The following TRPC4 variants were observed in gnomAD, a reference collection of about 807,000 sequenced individuals.
The protein encoded by TRPC4 is short transient receptor potential channel 4.
A neutral mutation model predicts 99.4 loss-of-function variants in TRPC4; 49 were observed. The ratio of observed to expected loss-of-function variants is 0.49; its 90% CI spans 0.39 to 0.63. The LOEUF (loss-of-function observed/expected upper bound fraction) is 0.63. TRPC4 is among the 20% of genes least tolerant of loss of function. The pLI is 0.00. For synonymous variants in TRPC4, 454 were observed against 425.9 expected (o/e 1.07, Z -0.81); for missense variants, 898 against 1,152.9 (o/e 0.78, Z 3.20).
chr13:37,701,076 G>A (rs1273548423), intron 3 of TRPC4, among the ~76,000 whole-genome samples: 2 of 152,102 alleles, frequency 1.3e-5, no homozygotes, highest in Non-Finnish European at 2.9e-5. Flanking sequence ...CTCAGGTTGT[G>A]CTATTTGCTC....
chr13:37,756,872 C>T (rs1382781466), intron 2 of TRPC4, among the ~76,000 whole-genome samples: 4 of 151,806 alleles, frequency 2.6e-5, no homozygotes, highest in African/African-American at 9.7e-5. Context: ...TCTGATGAAA[C>T]ATTGATCCAG....
rs1448273002 is a variant in TRPC4 at position 37,636,692 on chromosome 13, A to G, written c.*211T>C. 14 of 496,342 alleles carry G rather than the reference A, an allele frequency of 2.8e-5. No individual in the cohort carries two copies. The highest frequency in any genetic ancestry group is 3.3e-5 in the Non-Finnish European group (10 of 300,330). 30.7% of individuals were successfully genotyped at this position (496,342 alleles called of 1,614,324 possible). A position where few individuals can be genotyped will look rare whatever the true frequency, so the allele number is the denominator to read the frequency against. ...TTTATTTATTAACAAAAACAATTGT[A>G]AGACAAATTGTGAAAGCAAAAGCAG... On this transcript the variant is annotated 3_prime_UTR_variant, in exon 11 of 11. Coordinates refer to ENST00000379705, the MANE Select transcript of TRPC4 (RefSeq NM_016179.4).
chr13:37,726,291 C>A (rs1010622119), intron 3 of TRPC4, among the ~76,000 whole-genome samples: 8 of 151,756 alleles, frequency 5.3e-5, no homozygotes, highest in Non-Finnish European at 1.2e-4. Context: ...TTTTAAAAAT[C>A]ATTAGATTAT....
intron 8 of TRPC4, among the ~76,000 whole-genome samples, chr13:37,642,431 A>G (rs1951743407): frequency 6.6e-6 from 1 of 152,122 alleles, no homozygotes; most frequent in African/African-American, 2.4e-5. Context: ...CTGATTTGGC[A>G]TCTCATTTGG....
At chr13:37,834,926 G>A (rs1306266152) in intron 1 of TRPC4, among the ~76,000 whole-genome samples, 1 of 152,020 alleles carries the variant, frequency 6.6e-6, no homozygotes, top group African/African-American at 2.4e-5. Context: ...GTAGAGATGG[G>A]TTTTCACCAA....
intron 1 of TRPC4, among the ~76,000 whole-genome samples, chr13:37,831,556 G>GT (rs1958422100): frequency 6.6e-6 from 1 of 152,120 alleles, no homozygotes; most frequent in South Asian, 2.1e-4. Flanking sequence ...ACTGAAATCA[G>GT]TATTTCAAGG....
At chr13:37,855,347 T>TAA (rs1326669722) in intron 1 of TRPC4, among the ~76,000 whole-genome samples, 1 of 148,494 alleles carries the variant, frequency 6.7e-6, no homozygotes, top group East Asian at 1.9e-4. Context: ...GATATATATA[T>TAA]ATATATATAT....
chr13:37,715,513 A>C (rs531173523), intron 3 of TRPC4, among the ~76,000 whole-genome samples: 3 of 152,332 alleles, frequency 2.0e-5, no homozygotes, highest in African/African-American at 7.2e-5. Context: ...TGAAGAGCTT[A>C]TTACAGTACC....
At position 37,674,395 on chromosome 13, in the gene TRPC4, G is replaced by A. The variant is rs369269806; in HGVS notation, c.1235-28C>T. On this transcript the variant is annotated intron_variant, in intron 4 of 10. Transcript: ENST00000379705. Reference sequence around the variant, plus strand: ...GCAATTATAGAAAGATTCATTGTAAGTATGATTTCAATAGAATCACTAAAA... The same window carrying A: ...GCAATTATAGAAAGATTCATTGTAAATATGATTTCAATAGAATCACTAAAA... 8.9e-5 allele frequency: 142 copies of A among 1,589,456 alleles called. 1 individual carries two copies. In the Middle Eastern group the frequency reaches 2.1e-3, roughly 23 times the overall value.
chr13:37,750,952 T>A (rs1252616172), intron 2 of TRPC4, among the ~76,000 whole-genome samples: 1 of 152,052 alleles, frequency 6.6e-6, no homozygotes, highest in East Asian at 1.9e-4. Context: ...CTTTATCAGA[T>A]TCTGGTATCA....
intron 2 of TRPC4, among the ~76,000 whole-genome samples, chr13:37,756,079 A>G (rs1258620844): frequency 6.6e-6 from 1 of 152,146 alleles, no homozygotes; most frequent in African/African-American, 2.4e-5. Context: ...AGTTATATTT[A>G]AAATTTTATA....
intron 2 of TRPC4, among the ~76,000 whole-genome samples, chr13:37,765,236 T>A (rs1956332840): frequency 6.6e-6 from 1 of 151,408 alleles, no homozygotes; most frequent in African/African-American, 2.4e-5. Context: ...TATTGTTCAG[T>A]GTAGACCAGG....
chr13:37,854,334 C>A (rs886318953), intron 1 of TRPC4, among the ~76,000 whole-genome samples: 43 of 151,996 alleles, frequency 2.8e-4, no homozygotes, highest in African/African-American at 9.2e-4. Flanking sequence ...GCAAAACTAT[C>A]CTTCAAACAT....
At chr13:37,644,762 A>G (rs1001455173) in intron 8 of TRPC4, among the ~76,000 whole-genome samples, 1 of 151,552 alleles carries the variant, frequency 6.6e-6, no homozygotes, top group Non-Finnish European at 1.5e-5. Context: ...AGTCCCAGCT[A>G]CTCAGGAGGC....
intron 4 of TRPC4, among the ~76,000 whole-genome samples, chr13:37,688,454 A>G (rs934871673): frequency 6.6e-6 from 1 of 152,210 alleles, no homozygotes; most frequent in Non-Finnish European, 1.5e-5. Context: ...CCCAAGCAAA[A>G]CCATAATTCT....
intron 3 of TRPC4, among the ~76,000 whole-genome samples, chr13:37,720,517 G>C (rs945891430): frequency 4.0e-5 from 6 of 151,872 alleles, no homozygotes; most frequent in Admixed American, 1.3e-4. Context: ...ACTTTTCTGT[G>C]TTTCTGGTGT....
At chr13:37,645,310 A>G (rs1951836334) in intron 8 of TRPC4, among the ~76,000 whole-genome samples, 1 of 152,078 alleles carries the variant, frequency 6.6e-6, no homozygotes. Context: ...ATTTCAATAG[A>G]AGTTTCAGGT....
chr13:37,674,516 T>A, intron 4 of TRPC4, 149 bp from the exon 5 acceptor site: 1 of 807,178 alleles, frequency 1.2e-6, no homozygotes, highest in Admixed American at 3.5e-5. Flanking sequence ...GTAATAACAC[T>A]GAGTCCCAGC....
At chr13:37,791,588 G>A (rs1004160976) in intron 1 of TRPC4, among the ~76,000 whole-genome samples, 28 of 152,042 alleles carry the variant, frequency 1.8e-4, no homozygotes, top group Non-Finnish European at 3.7e-4. Flanking sequence ...CATGGTGAAT[G>A]AGTACCAATG....
Sources: allele counts gnomAD v4.1 joint callset (sites outside exome capture counted in the v4.1 genomes callset), GRCh38; gene constraint gnomAD v4.1.1; transcripts MANE v1.5; gene names NCBI Gene and HGNC (gene_info 2026-07-23, HGNC 2026-07-21).